RIT2: variants seen among roughly 807,000 people sequenced by gnomAD.
The protein encoded by RIT2 is Ras like without CAAX 2.
In RIT2, 24 loss-of-function variants were observed where a neutral mutation model predicts 23.7. That is an observed-to-expected ratio of 1.01 (90% confidence interval 0.73 to 1.43). The LOEUF (loss-of-function observed/expected upper bound fraction) is 1.43, where lower values mean the gene tolerates loss of function less well. RIT2 is among the 40% of genes most tolerant of loss of function. The pLI is 0.00. For synonymous variants in RIT2, 107 were observed against 91.1 expected (o/e 1.17, Z -0.99); for missense variants, 236 against 266.9 (o/e 0.88, Z 0.81).
At chr18:42,960,742 G>C (rs1206269349) in intron 3 of RIT2, among the ~76,000 whole-genome samples, 1 of 152,160 alleles carries the variant, frequency 6.6e-6, no homozygotes, top group East Asian at 1.9e-4. Context: ...CATCAATAAT[G>C]TAGGCTAGCA....
At chr18:42,833,486 C>G (rs1211897365) in intron 4 of RIT2, among the ~76,000 whole-genome samples, 1 of 152,096 alleles carries the variant, frequency 6.6e-6, no homozygotes, top group African/African-American at 2.4e-5. Flanking sequence ...AAGATCTTGT[C>G]TTTTTGAAAG....
At chr18:42,874,912 C>G (rs1199119342) in intron 4 of RIT2, among the ~76,000 whole-genome samples, 5 of 152,078 alleles carry the variant, frequency 3.3e-5, no homozygotes, top group African/African-American at 9.7e-5. Context: ...ATGAGAATCA[C>G]ACTGCAGAGC....
At chr18:42,800,591 C>T (rs1905506799) in intron 4 of RIT2, among the ~76,000 whole-genome samples, 1 of 146,758 alleles carries the variant, frequency 6.8e-6, no homozygotes, top group African/African-American at 2.5e-5. Flanking sequence ...CGTGGAGTGG[C>T]GCCATCTGGC....
chr18:42,775,675 C>A (rs916615784), intron 4 of RIT2, among the ~76,000 whole-genome samples: 11 of 147,652 alleles, frequency 7.4e-5, no homozygotes, highest in African/African-American at 2.8e-4. Flanking sequence ...CCAGCCTGGG[C>A]GACAGAGCGA....
intron 2 of RIT2, among the ~76,000 whole-genome samples, chr18:43,023,028 C>T (rs1459510735): frequency 6.6e-6 from 1 of 152,066 alleles, no homozygotes; most frequent in Non-Finnish European, 1.5e-5. Context: ...CCAATGCAGT[C>T]GTGAAAGATG....
intron 4 of RIT2, among the ~76,000 whole-genome samples, chr18:42,872,892 A>T (rs1907655149): frequency 6.6e-6 from 1 of 152,166 alleles, no homozygotes; most frequent in Admixed American, 6.5e-5. Flanking sequence ...ATATGATATC[A>T]TTTGGAACAT....
chr18:42,796,215 G>A (rs932290791), intron 4 of RIT2, among the ~76,000 whole-genome samples: 2 of 152,146 alleles, frequency 1.3e-5, no homozygotes, highest in Non-Finnish European at 1.5e-5. Flanking sequence ...AAGCCAGCAA[G>A]ACCAGGAGCT....
chr18:42,822,861 C>A (rs1049765994), intron 4 of RIT2, among the ~76,000 whole-genome samples: 1 of 152,062 alleles, frequency 6.6e-6, no homozygotes, highest in African/African-American at 2.4e-5. Context: ...ATTCAAAATG[C>A]AAAAACACTG....
chr18:43,078,615 A>G (rs1480039600), intron 1 of RIT2, among the ~76,000 whole-genome samples: 3 of 152,192 alleles, frequency 2.0e-5, no homozygotes, highest in Admixed American at 6.5e-5. Context: ...AGCATAGTTT[A>G]CATTCCTCCT....
chr18:42,789,804 GTTTT>G (rs944509008), intron 4 of RIT2, among the ~76,000 whole-genome samples: 2 of 152,156 alleles, frequency 1.3e-5, no homozygotes, highest in African/African-American at 4.8e-5. Context: ...CAATCTGGAT[GTTTT>G]TTATTTAATT....
At chr18:43,017,626 T>C (rs1276869773) in intron 2 of RIT2, among the ~76,000 whole-genome samples, 1 of 152,068 alleles carries the variant, frequency 6.6e-6, no homozygotes, top group Non-Finnish European at 1.5e-5. Context: ...AGTTAGTATT[T>C]AGAATTAGGA....
intron 1 of RIT2, among the ~76,000 whole-genome samples, chr18:43,107,518 C>T (rs935617403): frequency 1.3e-5 from 2 of 152,170 alleles, no homozygotes; most frequent in African/African-American, 4.8e-5. Flanking sequence ...CTTCCCTAAG[C>T]AAATCAGCAC....
chr18:43,106,256 C>T (rs1388099697), intron 1 of RIT2, among the ~76,000 whole-genome samples: 2 of 152,192 alleles, frequency 1.3e-5, no homozygotes, highest in African/African-American at 4.8e-5. Context: ...AAGAAACATT[C>T]CTCTTTTGTG....
intron 3 of RIT2, among the ~76,000 whole-genome samples, chr18:42,932,901 AT>A (rs1290785518): frequency 2.0e-5 from 3 of 151,972 alleles, no homozygotes; most frequent in East Asian, 1.9e-4. Context: ...ATTGAGAATA[AT>A]TTTTTTGTAT....
chr18:42,789,839 C>T lies in RIT2; in HGVS notation c.427-46119G>A, dbSNP rs572150540. ...TAATTATCTTGCCCGATTGCTCTGG[C>T]TAGGACTTCCAGTACTATGTTGAAC... On this transcript the variant is annotated intron_variant, in intron 4 of 4. Coordinates refer to ENST00000326695, the MANE Select transcript of RIT2 (RefSeq NM_002930.4). Among the ~76,000 whole-genome samples the T allele has an allele frequency of 9.2e-5, 14 of 152,288 alleles. No homozygotes were observed. In the South Asian group the frequency reaches 2.9e-3, roughly 32 times the overall value.
At chr18:43,050,709 G>A (rs1033778753) in intron 1 of RIT2, among the ~76,000 whole-genome samples, 2 of 152,136 alleles carry the variant, frequency 1.3e-5, no homozygotes, top group South Asian at 2.1e-4. Context: ...CCTCCCCAGA[G>A]AGGTTCCTGC....
intron 1 of RIT2, among the ~76,000 whole-genome samples, chr18:43,081,324 T>C (rs114729368): frequency 1.9e-4 from 29 of 152,208 alleles, no homozygotes; most frequent in Non-Finnish European, 4.4e-5. Context: ...TCATTTATTA[T>C]TTTTTAAGCT....
chr18:43,090,850 T>C (rs1913407126), intron 1 of RIT2, among the ~76,000 whole-genome samples: 1 of 151,062 alleles, frequency 6.6e-6, no homozygotes, highest in South Asian at 2.1e-4. Context: ...TGGAGGGGAA[T>C]ACCACCAGTG....
intron 4 of RIT2, among the ~76,000 whole-genome samples, chr18:42,763,965 G>A (rs560712528): frequency 1.3e-5 from 2 of 152,150 alleles, no homozygotes; most frequent in East Asian, 1.9e-4. Flanking sequence ...TAATCTTATG[G>A]GACCACCATT....
Sources: allele counts gnomAD v4.1 joint callset (sites outside exome capture counted in the v4.1 genomes callset), GRCh38; gene constraint gnomAD v4.1.1; transcripts MANE v1.5; gene names NCBI Gene and HGNC (gene_info 2026-07-23, HGNC 2026-07-21).